The following COL26A1 variants were observed in gnomAD, a reference collection of about 807,000 sequenced individuals.
COL26A1 encodes collagen type XXVI alpha 1 chain.
In COL26A1, 41 loss-of-function variants were observed where a neutral mutation model predicts 59.3. The ratio of observed to expected loss-of-function variants is 0.69; its 90% CI spans 0.54 to 0.90. COL26A1 has a LOEUF of 0.90. Ranked by LOEUF, COL26A1 falls within the 40% of genes least tolerant of loss-of-function variation. The probability of loss-of-function intolerance (pLI) is 0.00; values close to 1 mark genes in which losing one functional copy is unlikely to be tolerated. For synonymous variants in COL26A1, 266 were observed against 256.0 expected (o/e 1.04, Z -0.37); for missense variants, 612 against 602.3 (o/e 1.02, Z -0.17).
chr7:101,496,325 A>G (rs1794584326), intron 3 of COL26A1, among the ~76,000 whole-genome samples: 1 of 152,236 alleles, frequency 6.6e-6, no homozygotes. Context: ...CAGCAGGTCA[A>G]TTTACCAAGA....
At chr7:101,447,638 T>C in intron 2 of COL26A1, 46 bp from the exon 3 acceptor site, 1 of 1,254,852 alleles carries the variant, frequency 8.0e-7, no homozygotes, top group Non-Finnish European at 1.1e-6. Context: ...GGTCTGGAGG[T>C]GGGTGGGTGG....
At chr7:101,538,347 C>T (rs1034667216) in intron 4 of COL26A1, among the ~76,000 whole-genome samples, 2 of 152,196 alleles carry the variant, frequency 1.3e-5, no homozygotes, top group Admixed American at 1.3e-4. Flanking sequence ...GAAGCTCAGC[C>T]GGGGTTGAGA....
chr7:101,469,729 A>T, intron 3 of COL26A1, among the ~76,000 whole-genome samples: 1 of 152,010 alleles, frequency 6.6e-6, no homozygotes, highest in Non-Finnish European at 1.5e-5. Context: ...GCCTCAAGTG[A>T]TCCGCCCACC....
chr7:101,410,063 G>A (rs957477700), intron 1 of COL26A1, among the ~76,000 whole-genome samples: 45 of 152,066 alleles, frequency 3.0e-4, no homozygotes, highest in African/African-American at 9.7e-4. Context: ...CCTGGCCAGA[G>A]GCTAGGGTTT....
intron 3 of COL26A1, among the ~76,000 whole-genome samples, chr7:101,514,653 A>AC (rs1794992079): frequency 6.6e-6 from 1 of 151,820 alleles, no homozygotes; most frequent in Non-Finnish European, 1.5e-5. Context: ...TGATGTCAGG[A>AC]CCCCCCTCCA....
At chr7:101,364,772 G>C (rs1366211554) in intron 1 of COL26A1, among the ~76,000 whole-genome samples, 1 of 152,068 alleles carries the variant, frequency 6.6e-6, no homozygotes, top group African/African-American at 2.4e-5. Context: ...ATCTCACTGT[G>C]TTACACATGC....
At chr7:101,494,287 C>T (rs750632031) in intron 3 of COL26A1, among the ~76,000 whole-genome samples, 2 of 151,980 alleles carry the variant, frequency 1.3e-5, no homozygotes, top group East Asian at 1.9e-4. Flanking sequence ...CCACCATGCC[C>T]GGCTAATTTT....
chr7:101,366,621 C>G (rs76354157), intron 1 of COL26A1, among the ~76,000 whole-genome samples: 3 of 151,408 alleles, frequency 2.0e-5, no homozygotes, highest in African/African-American at 7.3e-5. Context: ...CCACCTCAGC[C>G]TCCTAAGTAG....
intron 2 of COL26A1, among the ~76,000 whole-genome samples, chr7:101,430,875 A>G (rs1195764951): frequency 6.6e-6 from 1 of 150,450 alleles, no homozygotes; most frequent in Admixed American, 6.6e-5. Flanking sequence ...GCTCACTGCA[A>G]CCTCACCTCC....
chr7:101,543,816 G>A (rs1200704227), intron 5 of COL26A1, among the ~76,000 whole-genome samples, 182 bp from the exon 6 acceptor site: 1 of 152,256 alleles, frequency 6.6e-6, no homozygotes, highest in Non-Finnish European at 1.5e-5. Context: ...TAAGTGCAAA[G>A]CTGGTTTGTA....
chr7:101,500,996 A>T (rs1170547221), intron 3 of COL26A1, among the ~76,000 whole-genome samples: 1 of 151,652 alleles, frequency 6.6e-6, no homozygotes, highest in Admixed American at 6.6e-5. Flanking sequence ...AGCCTGGCCA[A>T]CACGGTGAAA....
At chr7:101,407,949 G>A (rs1792166824) in intron 1 of COL26A1, among the ~76,000 whole-genome samples, 1 of 152,220 alleles carries the variant, frequency 6.6e-6, no homozygotes, top group East Asian at 1.9e-4. Context: ...TAGGAGTGAA[G>A]CTCTACCTCT....
At chr7:101,526,492 A>T (rs1050625532) in intron 3 of COL26A1, among the ~76,000 whole-genome samples, 1 of 152,196 alleles carries the variant, frequency 6.6e-6, no homozygotes, top group South Asian at 2.1e-4. Flanking sequence ...GGACAGGACC[A>T]TCCATGTGCC....
intron 3 of COL26A1, among the ~76,000 whole-genome samples, chr7:101,513,021 T>C (rs1245577157): frequency 6.6e-6 from 1 of 151,798 alleles, no homozygotes; most frequent in Admixed American, 6.6e-5. Context: ...ATTATTATTA[T>C]TTTGAGATGA....
intron 1 of COL26A1, among the ~76,000 whole-genome samples, chr7:101,388,117 C>T (rs570219008): frequency 7.3e-5 from 11 of 150,762 alleles, no homozygotes; most frequent in Non-Finnish European, 1.5e-4. Flanking sequence ...GCATTAAAGA[C>T]ATTTACATTG....
chr7:101,517,273 G>C, intron 3 of COL26A1, among the ~76,000 whole-genome samples: 1 of 152,218 alleles, frequency 6.6e-6, no homozygotes, highest in South Asian at 2.1e-4. Context: ...TCCGTTGGGT[G>C]TCTAGGAACC....
intron 1 of COL26A1, among the ~76,000 whole-genome samples, chr7:101,369,958 G>A (rs1178137765): frequency 1.3e-5 from 2 of 152,090 alleles, no homozygotes; most frequent in Non-Finnish European, 2.9e-5. Context: ...CGCCTCCCAG[G>A]TTCAAGCGAT....
intron 1 of COL26A1, among the ~76,000 whole-genome samples, chr7:101,364,327 C>CT (rs1176612516): frequency 7.6e-6 from 1 of 131,610 alleles, no homozygotes. Flanking sequence ...CCCTCCGTCT[C>CT]TTTTTTATAT....
intron 1 of COL26A1, among the ~76,000 whole-genome samples, chr7:101,414,104 C>G (rs1306577258): frequency 6.6e-6 from 1 of 152,184 alleles, no homozygotes; most frequent in Non-Finnish European, 1.5e-5. Context: ...AGAGCTCCAT[C>G]TGGAAAGGCC....
Sources: gnomAD v4.1 joint callset for allele counts (sites outside exome capture counted in the v4.1 genomes callset) on GRCh38, gnomAD v4.1.1 for gene constraint, MANE v1.5 for transcripts, NCBI Gene and HGNC (gene_info 2026-07-23, HGNC 2026-07-21) for gene names.